CKAP5: variants seen among roughly 807,000 people sequenced by gnomAD.
CKAP5 encodes the protein cytoskeleton-associated protein 5.
A neutral mutation model predicts 232.8 loss-of-function variants in CKAP5; 27 were observed. The observed-to-expected ratio is 0.12, with a 90% CI of 0.09 to 0.16. The LOEUF is 0.16. CKAP5 is among the 10% of genes least tolerant of loss of function. CKAP5 has a pLI of 1.00. For missense variants in CKAP5, 1,838 were observed against 2,424.7 expected (o/e 0.76, Z 5.08); for synonymous variants, 785 against 841.1 (o/e 0.93, Z 1.16).
At chr11:46,799,921 C>T (rs189113876) in intron 9 of CKAP5, among the ~76,000 whole-genome samples, 2 of 151,762 alleles carry the variant, frequency 1.3e-5, no homozygotes, top group Admixed American at 6.6e-5. Context: ...GGATCACCTG[C>T]GCCTAGGAGG....
intron 35 of CKAP5, among the ~76,000 whole-genome samples, chr11:46,757,741 C>A (rs539193871): frequency 6.6e-6 from 1 of 151,628 alleles, no homozygotes; most frequent in Non-Finnish European, 1.5e-5. Flanking sequence ...GCGTGCGCCA[C>A]CATGCCCAGC....
chr11:46,813,323 C>T (rs1480957889), intron 4 of CKAP5, among the ~76,000 whole-genome samples: 1 of 151,946 alleles, frequency 6.6e-6, no homozygotes, highest in East Asian at 1.9e-4. Context: ...GCCTGAAGAA[C>T]CTAACATTTG....
chr11:46,805,861 C>G (rs566020663), intron 8 of CKAP5, among the ~76,000 whole-genome samples: 2 of 152,236 alleles, frequency 1.3e-5, no homozygotes, highest in African/African-American at 4.8e-5. Context: ...CACTTGAACA[C>G]GGGAGGCAGA....
intron 35 of CKAP5, among the ~76,000 whole-genome samples, chr11:46,755,959 T>C (rs1205777968): frequency 6.6e-6 from 1 of 152,148 alleles, no homozygotes; most frequent in African/African-American, 2.4e-5. Context: ...TATGTTTAAA[T>C]GTTCAATTTA....
In CKAP5 at chr11:46,776,616, C is replaced by A. The variant is rs565937703; in HGVS notation, c.2863-233G>T. Among the ~76,000 whole-genome samples the A allele has an allele frequency of 2.0e-5, 3 of 152,174 alleles. No individual in the cohort carries two copies. The East Asian group carries it at 5.8e-4, about 29-fold the overall frequency. ...AAACTTGTGTACTCAGTTAATCAGG[C>A]AAAACAGTGAGTGATCTGGGCATAA... On this transcript the variant is annotated intron_variant, in intron 23 of 43. Coordinates refer to ENST00000529230, the MANE Select transcript of CKAP5 (RefSeq NM_001008938.4).
Position 46,744,576 on chromosome 11 carries a change from G to A in CKAP5, c.5706C>T (p.Gly1902=), listed in dbSNP as rs956399068. 3.1e-6 allele frequency: 5 copies of A among 1,613,452 alleles called. No homozygotes were observed. The highest frequency in any genetic ancestry group is 4.2e-6 in the Non-Finnish European group (5 of 1,179,504). ...EGKGRISTST[G]ISPQMEVTCV... is the part of the protein sequence containing the mutation. Reference sequence around the variant, plus strand: ...ATGTGACTTCCATCTGAGGGGAGATGCCTAGAGGGGAAAAAGTAGAAAGAA... The same window carrying A: ...ATGTGACTTCCATCTGAGGGGAGATACCTAGAGGGGAAAAAGTAGAAAGAA... Residue 1902 remains glycine, a splice_region_variant and synonymous_variant, in exon 43 of 44, where the codon GGC becomes GGT. Transcript: ENST00000529230.
chr11:46,810,475 AT>A (rs35578031), intron 5 of CKAP5, among the ~76,000 whole-genome samples: 4 of 149,614 alleles, frequency 2.7e-5, no homozygotes, highest in East Asian at 1.9e-4. Context: ...TGCTTGGCTA[AT>A]TTTTTTTTTA....
intron 33 of CKAP5, among the ~76,000 whole-genome samples, chr11:46,759,871 C>A (rs927508001): frequency 2.0e-5 from 3 of 152,180 alleles, no homozygotes; most frequent in Non-Finnish European, 4.4e-5. Context: ...ATCATAAGTA[C>A]CATTCCATGC....
chr11:46,750,641 G>T, intron 40 of CKAP5, 30 bp from the exon 41 acceptor site: 1 of 1,549,386 alleles, frequency 6.5e-7, no homozygotes, highest in East Asian at 2.3e-5. Context: ...AGGAAGAATT[G>T]GTTAGACTTG....
rs1335515387 is a variant in CKAP5, at chr11:46,784,511, T to C, written c.2131A>G (p.Met711Val). The stretch of plus-strand genomic sequence containing the variant: ...ACCTGTTCAGCAGTCCATGGTAACA[T>C]ACAGGCTTCGGCTATTGCTGTCATA... ...EAMTAIAEAC[M>V]LPWTAEQVVS... is the part of the protein sequence containing the mutation. The change falls in exon 17 of 44, where the codon ATG (methionine) becomes GTG (valine). Residue 711 changes from methionine to valine, a missense_variant. Around this residue, in one of 6 missense-constraint regions of CKAP5, gnomAD observed 767 missense variants for 954.6 expected, o/e 0.80. Transcript: ENST00000529230. 3 of 1,614,108 alleles carry C rather than the reference T, an allele frequency of 1.9e-6. No homozygotes were observed. The highest frequency in any genetic ancestry group is 4.5e-5 in the East Asian group (2 of 44,870).
At chr11:46,747,117 AGAGT>A (rs1364078945) in intron 42 of CKAP5, among the ~76,000 whole-genome samples, 1 of 150,988 alleles carries the variant, frequency 6.6e-6, no homozygotes, top group Non-Finnish European at 1.5e-5. Flanking sequence ...CCTGGATGAC[AGAGT>A]GAGACCCTGT....
chr11:46,791,607 G>C (rs1020466921), intron 13 of CKAP5, among the ~76,000 whole-genome samples: 1 of 152,124 alleles, frequency 6.6e-6, no homozygotes, highest in Middle Eastern at 3.2e-3. Context: ...CCAGGAAGTT[G>C]AGTCTGCAGT....
chr11:46,808,193 A>G (rs774610134), intron 7 of CKAP5, 49 bp from the exon 8 acceptor site: 1 of 1,211,142 alleles, frequency 8.3e-7, no homozygotes, highest in South Asian at 1.3e-5. Flanking sequence ...AGAGAGCGGA[A>G]TAAAAGTCTA....
At chr11:46,763,403 CA>C in intron 29 of CKAP5, 77 bp downstream of exon 29, 7 of 1,343,440 alleles carry the variant, frequency 5.2e-6, no homozygotes, top group Non-Finnish European at 7.1e-6. Flanking sequence ...CCAAGTCATG[CA>C]AACTTCAGAT....
intron 42 of CKAP5, among the ~76,000 whole-genome samples, chr11:46,748,142 A>T (rs2065035975): frequency 6.6e-6 from 1 of 151,970 alleles, no homozygotes; most frequent in Non-Finnish European, 1.5e-5. Context: ...TAAACACAGG[A>T]CCTCAGAGAC....
At chr11:46,798,960 T>G (rs1193871835) in intron 9 of CKAP5, among the ~76,000 whole-genome samples, 1 of 152,210 alleles carries the variant, frequency 6.6e-6, no homozygotes, top group African/African-American at 2.4e-5. Flanking sequence ...CATCGTATCT[T>G]ATGCCGGAAC....
At chr11:46,815,981 T>G (rs1378698240) in intron 4 of CKAP5, among the ~76,000 whole-genome samples, 2 of 152,052 alleles carry the variant, frequency 1.3e-5, no homozygotes, top group Non-Finnish European at 2.9e-5. Flanking sequence ...GGCATTAAGG[T>G]TCTCATACGA....
At chr11:46,752,211 C>T (rs1165869873) in intron 38 of CKAP5, among the ~76,000 whole-genome samples, 11 of 117,620 alleles carry the variant, frequency 9.4e-5, no homozygotes, top group African/African-American at 2.9e-4. Context: ...CACACACACA[C>T]ACACACACAC....
intron 1 of CKAP5, among the ~76,000 whole-genome samples, chr11:46,832,675 A>G (rs1407920050): frequency 6.6e-6 from 1 of 152,220 alleles, no homozygotes; most frequent in African/African-American, 2.4e-5. Context: ...AAAACCTTGA[A>G]GTTGATATTA....
Sources: allele counts gnomAD v4.1 joint callset (sites outside exome capture counted in the v4.1 genomes callset), GRCh38; gene constraint gnomAD v4.1.1; regional missense constraint gnomAD v4.1.1; transcripts MANE v1.5; gene names NCBI Gene and HGNC (gene_info 2026-07-23, HGNC 2026-07-21).